CSMD1: variants seen among roughly 807,000 people sequenced by gnomAD.
The protein encoded by CSMD1 is CUB and sushi domain-containing protein 1.
CSMD1 carries 213 observed loss-of-function variants against 417.5 expected under a neutral mutation model. The observed-to-expected ratio is 0.51, with a 90% confidence interval of 0.46 to 0.57. The LOEUF is 0.57. Among genes scored for constraint, CSMD1 ranks in the 20% least tolerant of loss-of-function variants. The pLI is 0.00. For synonymous variants in CSMD1, 2,862 were observed against 1,736.8 expected, an observed-to-expected ratio of 1.65 and a Z score of -16.11; for missense variants, 6,923 against 4,529.7, an observed-to-expected ratio of 1.53 and a Z score of -15.17.
chr8:3,509,213 G>A (rs1258938028), intron 10 of CSMD1, among the ~76,000 whole-genome samples: 1 of 152,164 alleles, frequency 6.6e-6, no homozygotes, highest in East Asian at 1.9e-4. Flanking sequence ...GGCAATTAGA[G>A]AAACAATATT....
chr8:3,685,594 T>C (rs1372583490), intron 7 of CSMD1, among the ~76,000 whole-genome samples: 2 of 152,146 alleles, frequency 1.3e-5, no homozygotes, highest in Non-Finnish European at 2.9e-5. Context: ...TGGCATCTCA[T>C]TGCCTGGATA....
chr8:3,707,514 G>A (rs78032363), intron 7 of CSMD1, among the ~76,000 whole-genome samples: 2 of 152,152 alleles, frequency 1.3e-5, no homozygotes, highest in African/African-American at 2.4e-5. Context: ...AGCAGAAAAC[G>A]GCCCCTACAG....
rs562940942 is a variant in CSMD1 at position 3,654,632 on chromosome 8, A to C, written c.1010-37835T>G. On this transcript the variant is annotated intron_variant, in intron 7 of 69. Coordinates refer to ENST00000635120, the MANE Select transcript of CSMD1 (RefSeq NM_033225.6). ...CTTTTTCAAAGCAGGGCAGCCTTTG[A>C]TTTGCTAGGTGTGAGAGCTCCATTT... is the stretch of plus-strand genomic sequence containing the variant. Among the ~76,000 whole-genome samples, 6 of 152,324 alleles carry C rather than the reference A, an allele frequency of 3.9e-5. No homozygotes were observed. The East Asian group carries it at 5.8e-4, about 15-fold the overall frequency.
chr8:4,993,651 C>A (rs1170401392), intron 1 of CSMD1, among the ~76,000 whole-genome samples: 1 of 152,164 alleles, frequency 6.6e-6, no homozygotes, highest in Non-Finnish European at 1.5e-5. Flanking sequence ...GACTTGGAAG[C>A]CGGTCCAGAA....
intron 7 of CSMD1, among the ~76,000 whole-genome samples, chr8:3,654,954 G>C (rs1798030568): frequency 6.6e-6 from 1 of 152,202 alleles, no homozygotes; most frequent in African/African-American, 2.4e-5. Flanking sequence ...GCTTTTTGGA[G>C]CCTGATGCAT....
intron 12 of CSMD1, among the ~76,000 whole-genome samples, chr8:3,439,302 TA>T (rs1563390473): frequency 0.054 from 2,668 of 49,624 alleles, 137 homozygotes; most frequent in Non-Finnish European, 0.068. Flanking sequence ...TATATATATA[TA>T]TATATATTTT....
intron 12 of CSMD1, among the ~76,000 whole-genome samples, chr8:3,420,821 CAT>C (rs994946249): frequency 1.8e-4 from 27 of 152,130 alleles, no homozygotes; most frequent in African/African-American, 6.3e-4. Context: ...TCCTTAAACA[CAT>C]AAAGATGGTA....
At chr8:3,124,437 G>A (rs892058830) in intron 41 of CSMD1, among the ~76,000 whole-genome samples, 1 of 152,178 alleles carries the variant, frequency 6.6e-6, no homozygotes, top group Non-Finnish European at 1.5e-5. Flanking sequence ...TTTTGTTGAA[G>A]AAATGACGTT....
At chr8:4,367,861 G>A (rs775369943) in intron 3 of CSMD1, among the ~76,000 whole-genome samples, 7 of 152,062 alleles carry the variant, frequency 4.6e-5, no homozygotes, top group Middle Eastern at 3.2e-3. Context: ...TTTGAGCTTC[G>A]ATAGGGTATA....
At chr8:4,499,508 A>T (rs962887871) in intron 2 of CSMD1, among the ~76,000 whole-genome samples, 2 of 152,230 alleles carry the variant, frequency 1.3e-5, no homozygotes, top group Non-Finnish European at 2.9e-5. Flanking sequence ...CAAGACTTTC[A>T]AGGAGTTACT....
intron 8 of CSMD1, among the ~76,000 whole-genome samples, chr8:3,610,007 G>T (rs760093279): frequency 1.3e-5 from 2 of 151,522 alleles, no homozygotes; most frequent in Non-Finnish European, 2.9e-5. Flanking sequence ...TCAACTTGTT[G>T]GCCAGGCTGG....
chr8:3,758,845 A>G (rs1018975765), intron 5 of CSMD1, among the ~76,000 whole-genome samples: 2 of 152,126 alleles, frequency 1.3e-5, no homozygotes, highest in Admixed American at 1.3e-4. Context: ...AGATTATACT[A>G]GATTATTGAG....
At chr8:3,929,253 G>T (rs1233236591) in intron 5 of CSMD1, among the ~76,000 whole-genome samples, 1 of 150,424 alleles carries the variant, frequency 6.6e-6, no homozygotes, top group African/African-American at 2.5e-5. Context: ...TACACATATG[G>T]ACAGGATGAT....
Position 3,768,739 on chromosome 8 carries a change from C to A in CSMD1, c.819-14697G>T, listed in dbSNP as rs185950675. Among the ~76,000 whole-genome samples, 88 of 152,328 alleles carry A rather than the reference C, an allele frequency of 5.8e-4. 1 individual carries two copies. Among genetic ancestry groups the A allele is most frequent in the Admixed American group, 2.2e-3 (33 of 15,298 alleles). On this transcript the variant is annotated intron_variant, in intron 5 of 69. Coordinates refer to ENST00000635120, the MANE Select transcript of CSMD1 (RefSeq NM_033225.6). ...TTTCTTTATTAACACGCAAACCAAACGGATGTATCCCACATTATTGACACA... is the reference window on the plus strand; with the variant it reads ...TTTCTTTATTAACACGCAAACCAAAAGGATGTATCCCACATTATTGACACA...
intron 3 of CSMD1, among the ~76,000 whole-genome samples, chr8:4,184,748 G>C (rs1798568357): frequency 1.4e-5 from 2 of 146,000 alleles, no homozygotes; most frequent in African/African-American, 5.1e-5. Flanking sequence ...TGGGTACTGG[G>C]CTTAATACCT....
rs1165966521 is a variant in CSMD1, at chr8:4,420,083, GAC to G, written c.303-20_303-19del. 1 of 1,506,272 alleles carries G rather than the reference GAC, an allele frequency of 6.6e-7. No homozygotes were observed. Among genetic ancestry groups the G allele is most frequent in the Non-Finnish European group, 9.0e-7 (1 of 1,107,278 alleles). The allele number at this position is 1,506,272 out of a possible 1,614,324, so 93.3% of individuals were successfully genotyped here. The stretch of plus-strand genomic sequence containing the variant: ...CCGATAATCTAAATTTAAAAGACAA[GAC>G]ACAAAGAGAGTTAAAAGCATGAATT... On this transcript the variant is annotated intron_variant, in intron 2 of 69. Coordinates refer to ENST00000635120, the MANE Select transcript of CSMD1 (RefSeq NM_033225.6).
intron 5 of CSMD1, among the ~76,000 whole-genome samples, chr8:3,759,912 A>G (rs1797896424): frequency 6.6e-6 from 1 of 151,370 alleles, no homozygotes; most frequent in African/African-American, 2.4e-5. Context: ...CTCAAAAAAA[A>G]AAAAAAAAAA....
At chr8:3,946,117 T>C (rs1811207728) in intron 5 of CSMD1, among the ~76,000 whole-genome samples, 1 of 152,160 alleles carries the variant, frequency 6.6e-6, no homozygotes, top group Admixed American at 6.6e-5. Context: ...ACCTTGGAAC[T>C]GATTCCATGC....
At chr8:4,535,561 T>C (rs1471336828) in intron 2 of CSMD1, among the ~76,000 whole-genome samples, 3 of 152,154 alleles carry the variant, frequency 2.0e-5, no homozygotes, top group Non-Finnish European at 4.4e-5. Context: ...CTCTCCAAGT[T>C]ACTCGTAGGT....
Sources: allele counts gnomAD v4.1 joint callset (sites outside exome capture counted in the v4.1 genomes callset), GRCh38; gene constraint gnomAD v4.1.1; transcripts MANE v1.5; gene names NCBI Gene and HGNC (gene_info 2026-07-23, HGNC 2026-07-21).